CDKAL1: variants seen among roughly 807,000 people sequenced by gnomAD.
CDKAL1 encodes the protein CDKAL1 threonylcarbamoyladenosine tRNA methylthiotransferase, also known as threonylcarbamoyladenosine tRNA methylthiotransferase.
A neutral mutation model predicts 68.2 loss-of-function variants in CDKAL1; 32 were observed. That is an observed-to-expected ratio of 0.47 (90% CI 0.35 to 0.63). The LOEUF (loss-of-function observed/expected upper bound fraction) is 0.63, where lower values mean the gene tolerates loss of function less well. Ranked by LOEUF, CDKAL1 falls within the 30% of genes least tolerant of loss-of-function variation. The pLI is 0.00. For synonymous variants in CDKAL1, 234 were observed against 244.3 expected (o/e 0.96, Z 0.39); for missense variants, 606 against 696.7 (o/e 0.87, Z 1.47).
intron 15 of CDKAL1, among the ~76,000 whole-genome samples, chr6:21,216,221 G>A (rs1380295504): frequency 2.0e-5 from 3 of 152,126 alleles, no homozygotes; most frequent in Admixed American, 6.5e-5. Context: ...GCAGTTTATG[G>A]TAATTTGTTA....
chr6:21,151,342 G>T (rs141926298), intron 13 of CDKAL1, among the ~76,000 whole-genome samples: 1 of 152,208 alleles, frequency 6.6e-6, no homozygotes, highest in African/African-American at 2.4e-5. Context: ...CTGGACAGTA[G>T]TAACAGTTTT....
chr6:21,224,717 G>C (rs1779673074), intron 15 of CDKAL1, among the ~76,000 whole-genome samples: 1 of 152,154 alleles, frequency 6.6e-6, no homozygotes, highest in South Asian at 2.1e-4. Flanking sequence ...CTCCAGAATT[G>C]AAAGAGAATA....
chr6:20,561,745 G>A (rs1194562507), intron 4 of CDKAL1, among the ~76,000 whole-genome samples: 4 of 152,110 alleles, frequency 2.6e-5, no homozygotes, highest in African/African-American at 9.7e-5. Flanking sequence ...GTAAAAACAA[G>A]TATATTTCTT....
intron 5 of CDKAL1, among the ~76,000 whole-genome samples, chr6:20,708,063 T>C (rs1562041876): frequency 6.6e-6 from 1 of 152,244 alleles, no homozygotes; most frequent in African/African-American, 2.4e-5. Context: ...AACTGTGTGC[T>C]AGAAGAGTGA....
chr6:21,068,048 T>C (rs1051324709), intron 12 of CDKAL1, among the ~76,000 whole-genome samples: 20 of 19,098 alleles, frequency 1.0e-3, no homozygotes, highest in Non-Finnish European at 1.8e-3. Flanking sequence ...ACCTGTTGGT[T>C]TACCAGTTGG....
chr6:20,709,551 G>T (rs1277858961), intron 5 of CDKAL1, among the ~76,000 whole-genome samples: 1 of 152,004 alleles, frequency 6.6e-6, no homozygotes, highest in African/African-American at 2.4e-5. Flanking sequence ...ATTGTCCCTA[G>T]ACTCGATTTT....
intron 15 of CDKAL1, among the ~76,000 whole-genome samples, chr6:21,207,979 T>C (rs1779004226): frequency 2.0e-5 from 3 of 152,042 alleles, no homozygotes; most frequent in Admixed American, 2.0e-4. Context: ...CGTTGGCCAT[T>C]CTTACGGACA....
At chr6:20,627,694 A>G (rs1011093394) in intron 4 of CDKAL1, among the ~76,000 whole-genome samples, 1 of 152,196 alleles carries the variant, frequency 6.6e-6, no homozygotes, top group African/African-American at 2.4e-5. Context: ...TATCTTTACT[A>G]TGTTGAGTGT....
intron 13 of CDKAL1, among the ~76,000 whole-genome samples, chr6:21,188,308 T>C (rs1443934397): frequency 1.3e-5 from 2 of 152,236 alleles, no homozygotes; most frequent in African/African-American, 4.8e-5. Context: ...TCTAATAATT[T>C]ATATTTCCTC....
intron 10 of CDKAL1, among the ~76,000 whole-genome samples, chr6:20,990,644 C>T (rs1467923217): frequency 6.6e-6 from 1 of 152,212 alleles, no homozygotes; most frequent in East Asian, 1.9e-4. Flanking sequence ...TGCGCTCCCT[C>T]ATTCACTTTC....
At chr6:20,992,373 T>C (rs1766875916) in intron 10 of CDKAL1, among the ~76,000 whole-genome samples, 1 of 151,922 alleles carries the variant, frequency 6.6e-6, no homozygotes, top group Non-Finnish European at 1.5e-5. Context: ...AGCCCACTTT[T>C]CTCCCATTTT....
intron 13 of CDKAL1, among the ~76,000 whole-genome samples, chr6:21,162,659 TG>T (rs1360356151): frequency 3.7e-4 from 57 of 152,336 alleles, no homozygotes; most frequent in African/African-American, 1.3e-3. Context: ...GCACAGTAGC[TG>T]ACGCCTGTAA....
intron 4 of CDKAL1, among the ~76,000 whole-genome samples, chr6:20,634,777 A>C (rs915493338): frequency 6.6e-6 from 1 of 152,140 alleles, no homozygotes; most frequent in Non-Finnish European, 1.5e-5. Context: ...CAGGAGTTTG[A>C]GACCAGCCTG....
chr6:20,698,236 C>T (rs1457498119), intron 5 of CDKAL1, among the ~76,000 whole-genome samples: 2 of 152,040 alleles, frequency 1.3e-5, no homozygotes, highest in Non-Finnish European at 2.9e-5. Flanking sequence ...TTTTAGACAA[C>T]GTTTTGATTT....
intron 11 of CDKAL1, among the ~76,000 whole-genome samples, chr6:21,040,339 TAAAAAATAATGG>T (rs1769849021): frequency 6.6e-6 from 1 of 152,152 alleles, no homozygotes. Context: ...TTTTTAGTCA[TAAAAAATAATGG>T]GCTGAAGTCT....
At chr6:21,107,738 G>A (rs541636562) in intron 12 of CDKAL1, among the ~76,000 whole-genome samples, 2 of 152,262 alleles carry the variant, frequency 1.3e-5, no homozygotes, top group South Asian at 2.1e-4. Flanking sequence ...GGCCAAAAGA[G>A]CCTTCTCTTC....
chr6:20,637,568 C>A (rs1767965083), intron 4 of CDKAL1, among the ~76,000 whole-genome samples: 1 of 151,896 alleles, frequency 6.6e-6, no homozygotes, highest in Non-Finnish European at 1.5e-5. Flanking sequence ...GTCTCAACAA[C>A]AACAAAAAAG....
intron 4 of CDKAL1, among the ~76,000 whole-genome samples, chr6:20,609,258 T>TTCTCC (rs568823191): frequency 6.1e-5 from 6 of 98,282 alleles, no homozygotes; most frequent in East Asian, 2.7e-4. Context: ...TTCTTCCTCC[T>TTCTCC]TCCTTCCTCC....
chr6:20,825,814 C>T (rs9368241), intron 8 of CDKAL1, among the ~76,000 whole-genome samples: 43,006 of 151,934 alleles, frequency 0.28, 7,350 homozygotes, highest in East Asian at 0.37. Flanking sequence ...AAATTATTGC[C>T]AGATTCTAAA....
Sources: gnomAD v4.1 joint callset for allele counts (sites outside exome capture counted in the v4.1 genomes callset) on GRCh38, gnomAD v4.1.1 for gene constraint, MANE v1.5 for transcripts, NCBI Gene and HGNC (gene_info 2026-07-23, HGNC 2026-07-21) for gene names.